The following MALRD1 variants were observed in gnomAD, a reference collection of about 807,000 sequenced individuals.
MALRD1 encodes MAM and LDL-receptor class A domain-containing protein 1.
In MALRD1, 247 loss-of-function variants were observed where a neutral mutation model predicts 242.1. That is an observed-to-expected ratio of 1.02 (90% CI 0.92 to 1.13). MALRD1 has a LOEUF of 1.13. Ranked by LOEUF, MALRD1 falls within the 50% of genes most tolerant of loss-of-function variation. The pLI, the probability that MALRD1 is intolerant of heterozygous loss-of-function variation, is 0.00. For synonymous variants in MALRD1, 995 were observed against 866.6 expected (o/e 1.15, Z -2.60); for missense variants, 2,989 against 2,533.1 (o/e 1.18, Z -3.86).
chr10:19,216,566 A>G (rs1837323167), intron 18 of MALRD1, among the ~76,000 whole-genome samples: 1 of 152,040 alleles, frequency 6.6e-6, no homozygotes, highest in African/African-American at 2.4e-5. Flanking sequence ...ATAGTGTGTT[A>G]TTTGTTTAAT....
intron 5 of MALRD1, among the ~76,000 whole-genome samples, chr10:19,109,311 G>A (rs140755162): frequency 1.1e-4 from 16 of 152,224 alleles, no homozygotes; most frequent in East Asian, 1.9e-4. Flanking sequence ...GGGCTGTTTC[G>A]TGTATTGAGG....
At chr10:19,495,248 A>T (rs904073673) in intron 30 of MALRD1, among the ~76,000 whole-genome samples, 1 of 152,084 alleles carries the variant, frequency 6.6e-6, no homozygotes, top group African/African-American at 2.4e-5. Flanking sequence ...GAGTGCCGGG[A>T]TTACAGGTAT....
chr10:19,462,216 C>T (rs950081500), intron 29 of MALRD1, among the ~76,000 whole-genome samples: 1 of 152,094 alleles, frequency 6.6e-6, no homozygotes, highest in African/African-American at 2.4e-5. Context: ...AAATGCAAAC[C>T]AACCACTCTA....
chr10:19,728,839 T>C (rs1480999711), intron 38 of MALRD1, among the ~76,000 whole-genome samples: 1 of 152,202 alleles, frequency 6.6e-6, no homozygotes, highest in Non-Finnish European at 1.5e-5. Context: ...GCACTAACCA[T>C]GCTATGTACT....
At chr10:19,381,417 A>T (rs1364288775) in intron 26 of MALRD1, among the ~76,000 whole-genome samples, 1 of 152,106 alleles carries the variant, frequency 6.6e-6, no homozygotes, top group African/African-American at 2.4e-5. Context: ...TTTGGTGACA[A>T]AGTCTTTCAC....
intron 29 of MALRD1, among the ~76,000 whole-genome samples, chr10:19,457,177 G>C (rs1835704658): frequency 6.6e-6 from 1 of 152,032 alleles, no homozygotes; most frequent in Non-Finnish European, 1.5e-5. Flanking sequence ...TTTCCCTCCT[G>C]ATGCTTAATG....
intron 1 of MALRD1, among the ~76,000 whole-genome samples, 180 bp from the exon 2 acceptor site, chr10:19,066,539 C>G (rs1383134494): frequency 6.6e-6 from 1 of 152,106 alleles, no homozygotes; most frequent in East Asian, 1.9e-4. Context: ...GTTGTGGTAA[C>G]TTATTAGAAT....
intron 38 of MALRD1, among the ~76,000 whole-genome samples, chr10:19,726,514 G>A (rs1276967643): frequency 1.3e-5 from 2 of 152,136 alleles, no homozygotes; most frequent in Non-Finnish European, 2.9e-5. Flanking sequence ...ATGTAAGATG[G>A]TGCAGCACTA....
Position 19,352,083 on chromosome 10 carries a change from G to T in MALRD1, c.4227G>T (p.Thr1409=). 6.5e-7 allele frequency: 1 copy of T among 1,550,326 alleles called. No homozygotes were observed. Among genetic ancestry groups the T allele is most frequent in the South Asian group, 1.2e-5 (1 of 84,052 alleles). The part of the protein sequence containing the change: ...TLMQVSVTNQ[T]KVLLNLTVEQ... ...TGCAGGTGTCAGTCACAAACCAAAC[G>T]AAGGTTCTACTTAACCTCACTGTAG... The change falls in exon 26 of 40, where the codon ACG becomes ACT. Residue 1409 remains threonine (T), a synonymous_variant. Coordinates refer to ENST00000454679, the MANE Select transcript of MALRD1 (RefSeq NM_001142308.3).
intron 36 of MALRD1, among the ~76,000 whole-genome samples, chr10:19,659,070 T>G (rs1206692736): frequency 6.6e-6 from 1 of 152,214 alleles, no homozygotes; most frequent in African/African-American, 2.4e-5. Context: ...TACTTTTTGC[T>G]CTTTAGCCAT....
At chr10:19,410,653 C>G (rs1330054317) in intron 28 of MALRD1, among the ~76,000 whole-genome samples, 4 of 148,628 alleles carry the variant, frequency 2.7e-5, no homozygotes, top group Non-Finnish European at 6.0e-5. Flanking sequence ...CTCCTCCCCT[C>G]CCCTCCATCC....
chr10:19,076,547 C>A (rs553039046), intron 2 of MALRD1, among the ~76,000 whole-genome samples: 1 of 152,038 alleles, frequency 6.6e-6, no homozygotes, highest in Admixed American at 6.6e-5. Context: ...ATTGAAAAGT[C>A]TACACTTTCC....
chr10:19,247,119 T>A (rs990176709), intron 18 of MALRD1, among the ~76,000 whole-genome samples: 1 of 152,100 alleles, frequency 6.6e-6, no homozygotes, highest in Admixed American at 6.6e-5. Flanking sequence ...GTCTACATAG[T>A]GCCTAGGATC....
chr10:19,678,610 T>C (rs1007545489), intron 36 of MALRD1, among the ~76,000 whole-genome samples: 18 of 152,284 alleles, frequency 1.2e-4, no homozygotes, highest in African/African-American at 4.3e-4. Context: ...TTATGTAATC[T>C]GTAATTCTTG....
chr10:19,458,109 C>T (rs897396760), intron 29 of MALRD1, among the ~76,000 whole-genome samples: 1 of 151,966 alleles, frequency 6.6e-6, no homozygotes, highest in Admixed American at 6.6e-5. Flanking sequence ...AAATTTTCTG[C>T]CAACACTTGA....
At chr10:19,204,810 G>A (rs1836714503) in intron 16 of MALRD1, 88 bp from the exon 17 acceptor site, 2 of 1,308,978 alleles carry the variant, frequency 1.5e-6, no homozygotes, top group East Asian at 2.5e-5. Flanking sequence ...CATTAAAATT[G>A]ACTGTTGACT....
intron 29 of MALRD1, among the ~76,000 whole-genome samples, chr10:19,456,140 T>G (rs1835636678): frequency 6.6e-6 from 1 of 151,778 alleles, no homozygotes; most frequent in Admixed American, 6.6e-5. Context: ...TTCCAGAATC[T>G]TTTGACAGTA....
In MALRD1 at chr10:19,607,183, T is replaced by C. The variant is rs141567840; in HGVS notation, c.5945-594T>C. On this transcript the variant is annotated intron_variant, in intron 34 of 39. Transcript: ENST00000454679. ...CTGCTTGCATTTCATGCAATGCATT[T>C]GATGATATGTGTAATACTACATAAT... Among the ~76,000 whole-genome samples the C allele has an allele frequency of 9.0e-3, 1,378 of 152,304 alleles. 14 individuals carry two copies. Among genetic ancestry groups the C allele is most frequent in the Middle Eastern group, 0.027 (8 of 294 alleles).
intron 19 of MALRD1, among the ~76,000 whole-genome samples, chr10:19,269,276 A>G (rs1046031511): frequency 6.6e-6 from 1 of 151,948 alleles, no homozygotes; most frequent in Admixed American, 6.5e-5. Flanking sequence ...AGATTAGGTC[A>G]TGAGGATGAG....
Sources: gnomAD v4.1 joint callset for allele counts (sites outside exome capture counted in the v4.1 genomes callset) on GRCh38, gnomAD v4.1.1 for gene constraint, MANE v1.5 for transcripts, NCBI Gene and HGNC (gene_info 2026-07-23, HGNC 2026-07-21) for gene names.